Variants in GPC5 observed in about 807,000 individuals in gnomAD.
GPC5 encodes glypican-5.
GPC5 carries 47 observed loss-of-function variants against 53.9 expected under a neutral mutation model. That is an observed-to-expected ratio of 0.87 (90% CI 0.69 to 1.11). The LOEUF (loss-of-function observed/expected upper bound fraction) is 1.11. Among genes scored for constraint, GPC5 ranks in the 50% most tolerant of loss-of-function variants. GPC5 has a pLI of 0.00. For missense variants in GPC5, 748 were observed against 713.1 expected, an observed-to-expected ratio of 1.05 and a Z score of -0.56; for synonymous variants, 286 against 263.3, an observed-to-expected ratio of 1.09 and a Z score of -0.84.
Position 92,606,218 on chromosome 13 carries a change from C to T in GPC5, c.1562-260064C>T, listed in dbSNP as rs182612591. Among the ~76,000 whole-genome samples, 129 of 152,162 alleles carry T rather than the reference C, an allele frequency of 8.5e-4. 1 individual carries two copies. Among genetic ancestry groups the T allele is most frequent in the African/African-American group, 2.9e-3 (120 of 41,500 alleles). On this transcript the variant is annotated intron_variant, in intron 7 of 7. Coordinates refer to ENST00000377067, the MANE Select transcript of GPC5 (RefSeq NM_004466.6). Reference sequence around the variant, plus strand: ...TCGTCATTTACATTAGGTATTTCTCCTAATGCTACCCCTTTCCCTTCCCCC... The same window carrying T: ...TCGTCATTTACATTAGGTATTTCTCTTAATGCTACCCCTTTCCCTTCCCCC...
chr13:92,076,909 A>G (rs1475723033), intron 6 of GPC5, among the ~76,000 whole-genome samples: 1 of 152,160 alleles, frequency 6.6e-6, no homozygotes, highest in Non-Finnish European at 1.5e-5. Flanking sequence ...TGAATAGGAA[A>G]TATTTGTTAT....
intron 7 of GPC5, among the ~76,000 whole-genome samples, chr13:92,391,102 A>T (rs1874980985): frequency 1.3e-5 from 2 of 152,096 alleles, no homozygotes; most frequent in South Asian, 4.1e-4. Flanking sequence ...TCTTCCTTGA[A>T]TTGCTGTAGA....
chr13:92,463,392 C>T (rs1195850219), intron 7 of GPC5, among the ~76,000 whole-genome samples: 1 of 152,182 alleles, frequency 6.6e-6, no homozygotes, highest in Non-Finnish European at 1.5e-5. Flanking sequence ...AGGCACTTAA[C>T]CTTTTTCAGT....
Position 92,175,177 on chromosome 13 carries a change from T to G in GPC5, c.1561+30188T>G, listed in dbSNP as rs150534644. Among the ~76,000 whole-genome samples, 388 of 152,350 alleles carry G rather than the reference T, an allele frequency of 2.5e-3. 2 individuals are homozygous for G. The highest frequency in any genetic ancestry group is 8.8e-3 in the African/African-American group (367 of 41,578). On this transcript the variant is annotated intron_variant, in intron 7 of 7. Transcript: ENST00000377067. ...CGAACTTTGATTTTTTCATTAGAAT[T>G]TCTGGAAACATTATTTTATTATATG...
intron 6 of GPC5, among the ~76,000 whole-genome samples, chr13:91,977,972 AAAG>A (rs2040321447): frequency 1.3e-5 from 2 of 148,496 alleles, no homozygotes; most frequent in African/African-American, 2.6e-5. Context: ...AGAAAGAAAG[AAAG>A]AAAGAAAGAA....
rs74107705 is a variant in GPC5 at position 91,615,551 on chromosome 13, A to T, written c.326-77636A>T. On this transcript the variant is annotated intron_variant, in intron 2 of 7. Coordinates refer to ENST00000377067, the MANE Select transcript of GPC5 (RefSeq NM_004466.6). ...AAGAACTAACAGAAGTTTCTCCCTT[A>T]CAGAGCCTATGTTTTTCTTGTAGTT... is the stretch of plus-strand genomic sequence containing the variant. Among the ~76,000 whole-genome samples, 1,225 of 152,298 alleles carry T rather than the reference A, an allele frequency of 8.0e-3. 18 individuals carry two copies. The highest frequency in any genetic ancestry group is 0.028 in the African/African-American group (1,151 of 41,564).
intron 1 of GPC5, among the ~76,000 whole-genome samples, chr13:91,446,723 T>C (rs1455864491): frequency 6.6e-6 from 1 of 152,224 alleles, no homozygotes; most frequent in Non-Finnish European, 1.5e-5. Context: ...TTGTTCATCT[T>C]GTCTGTCTTT....
intron 7 of GPC5, among the ~76,000 whole-genome samples, chr13:92,462,131 T>C (rs1164560113): frequency 6.6e-6 from 1 of 152,030 alleles, no homozygotes; most frequent in Non-Finnish European, 1.5e-5. Context: ...TTAATCAGAG[T>C]GACAGCGGAA....
intron 7 of GPC5, among the ~76,000 whole-genome samples, chr13:92,508,555 G>A (rs866236768): frequency 5.9e-5 from 9 of 152,118 alleles, no homozygotes; most frequent in African/African-American, 2.2e-4. Context: ...CACGAGTATG[G>A]AGACATTAAG....
intron 7 of GPC5, among the ~76,000 whole-genome samples, chr13:92,806,021 T>C (rs1036272458): frequency 6.6e-6 from 1 of 152,032 alleles, no homozygotes; most frequent in Non-Finnish European, 1.5e-5. Flanking sequence ...CATAGTTCTC[T>C]AGCTATGAAA....
chr13:92,652,846 T>C (rs1209348989), intron 7 of GPC5, among the ~76,000 whole-genome samples: 1 of 151,958 alleles, frequency 6.6e-6, no homozygotes, highest in East Asian at 1.9e-4. Flanking sequence ...CCTAAAAGAG[T>C]CTCAGTGTGT....
chr13:92,168,000 C>T (rs937215170), intron 7 of GPC5, among the ~76,000 whole-genome samples: 23 of 152,122 alleles, frequency 1.5e-4, no homozygotes, highest in Non-Finnish European at 2.2e-4. Flanking sequence ...TGAGGGCAAG[C>T]TTACTGGGAT....
chr13:92,143,340 A>G (rs1469683205), intron 6 of GPC5, among the ~76,000 whole-genome samples: 1 of 152,182 alleles, frequency 6.6e-6, no homozygotes, highest in Non-Finnish European at 1.5e-5. Flanking sequence ...TATCATTTAT[A>G]TAATGGTATA....
At chr13:91,962,743 T>A (rs2040137626) in intron 6 of GPC5, among the ~76,000 whole-genome samples, 2 of 151,966 alleles carry the variant, frequency 1.3e-5, no homozygotes, top group Admixed American at 1.3e-4. Flanking sequence ...ACAGTGGGAG[T>A]TCTCTATTAA....
chr13:92,714,197 T>C (rs1208505568), intron 7 of GPC5, among the ~76,000 whole-genome samples: 2 of 152,210 alleles, frequency 1.3e-5, no homozygotes, highest in African/African-American at 4.8e-5. Context: ...CTTCCTGTGT[T>C]ATTATGTTAC....
chr13:91,701,040 A>T (rs1396578960), intron 3 of GPC5, among the ~76,000 whole-genome samples: 5 of 151,886 alleles, frequency 3.3e-5, no homozygotes, highest in African/African-American at 1.2e-4. Context: ...TACTGCATAA[A>T]CTCATGTGTA....
intron 6 of GPC5, among the ~76,000 whole-genome samples, chr13:91,926,007 A>G (rs2039763748): frequency 6.6e-6 from 1 of 152,168 alleles, no homozygotes; most frequent in African/African-American, 2.4e-5. Context: ...AATAACAGGA[A>G]TATTGAACGA....
intron 7 of GPC5, among the ~76,000 whole-genome samples, chr13:92,383,516 C>T (rs566381682): frequency 3.1e-4 from 47 of 152,194 alleles, no homozygotes; most frequent in East Asian, 1.5e-3. Flanking sequence ...AAACATATTA[C>T]GCTATGCTTA....
chr13:92,396,343 CA>C (rs988870829), intron 7 of GPC5, among the ~76,000 whole-genome samples: 1 of 151,890 alleles, frequency 6.6e-6, no homozygotes, highest in African/African-American at 2.4e-5. Context: ...TTAGAGTTTC[CA>C]TCTCTTTTCT....
Sources: allele counts gnomAD v4.1 joint callset (sites outside exome capture counted in the v4.1 genomes callset), GRCh38; gene constraint gnomAD v4.1.1; transcripts MANE v1.5; gene names NCBI Gene and HGNC (gene_info 2026-07-23, HGNC 2026-07-21).